Variants in CDH13 observed in about 807,000 individuals in gnomAD.
The protein encoded by CDH13 is cadherin-13.
A neutral mutation model predicts 63.8 loss-of-function variants in CDH13; 24 were observed. The observed-to-expected ratio is 0.38, with a 90% CI of 0.27 to 0.53. The LOEUF (loss-of-function observed/expected upper bound fraction) is 0.53. Among genes scored for constraint, CDH13 ranks in the 20% least tolerant of loss-of-function variants. The pLI, the probability that CDH13 is intolerant of heterozygous loss-of-function variation, is 0.85. For synonymous variants in CDH13, 503 were observed against 355.3 expected, an observed-to-expected ratio of 1.42 and a Z score of -4.67; for missense variants, 1,049 against 903.1, an observed-to-expected ratio of 1.16 and a Z score of -2.07.
intron 7 of CDH13, among the ~76,000 whole-genome samples, chr16:83,520,031 A>G (rs28492783): frequency 0.025 from 3,840 of 152,320 alleles, 160 homozygotes; most frequent in African/African-American, 0.087. Flanking sequence ...TAACTTCATG[A>G]TATAAATGTT....
chr16:83,340,923 T>G (rs761234394), intron 5 of CDH13, among the ~76,000 whole-genome samples: 2 of 152,170 alleles, frequency 1.3e-5, no homozygotes, highest in Non-Finnish European at 2.9e-5. Context: ...AGGTCAACCA[T>G]TGAATCTAAG....
At chr16:83,614,817 G>A (rs1909152403) in intron 8 of CDH13, among the ~76,000 whole-genome samples, 1 of 152,170 alleles carries the variant, frequency 6.6e-6, no homozygotes, top group East Asian at 1.9e-4. Context: ...CATTTAAAAT[G>A]TGGAGAAATA....
At chr16:83,038,581 C>A (rs1200993821) in intron 3 of CDH13, among the ~76,000 whole-genome samples, 3 of 152,166 alleles carry the variant, frequency 2.0e-5, no homozygotes, top group Non-Finnish European at 4.4e-5. Context: ...CATGACTTTT[C>A]CCCACCAAAT....
intron 7 of CDH13, among the ~76,000 whole-genome samples, chr16:83,566,402 C>G (rs1005962496): frequency 2.0e-5 from 3 of 152,144 alleles, no homozygotes; most frequent in Admixed American, 6.5e-5. Context: ...TTATTCACTC[C>G]TGTCATAGGA....
chr16:83,233,396 G>C (rs926998839), intron 5 of CDH13, among the ~76,000 whole-genome samples: 1 of 152,156 alleles, frequency 6.6e-6, no homozygotes, highest in African/African-American at 2.4e-5. Context: ...CTGACTCAAC[G>C]AGTAGGTGGC....
At chr16:82,742,303 CTTA>C (rs1407633639) in intron 1 of CDH13, among the ~76,000 whole-genome samples, 1 of 152,076 alleles carries the variant, frequency 6.6e-6, no homozygotes, top group Non-Finnish European at 1.5e-5. Context: ...ACAGGATGAT[CTTA>C]TTTTTATTTT....
chr16:83,415,961 C>G (rs2092194543), intron 6 of CDH13, among the ~76,000 whole-genome samples: 1 of 152,104 alleles, frequency 6.6e-6, no homozygotes, highest in Non-Finnish European at 1.5e-5. Flanking sequence ...AGTAAAATGT[C>G]CCGGTTTGTA....
At chr16:83,716,307 C>T (rs965860731) in intron 10 of CDH13, among the ~76,000 whole-genome samples, 5 of 152,058 alleles carry the variant, frequency 3.3e-5, no homozygotes, top group Admixed American at 1.3e-4. Context: ...ATTAGGGTTC[C>T]CTTTTGGTGT....
At chr16:83,315,599 G>A (rs1281999503) in intron 5 of CDH13, among the ~76,000 whole-genome samples, 3 of 149,394 alleles carry the variant, frequency 2.0e-5, no homozygotes, top group African/African-American at 7.4e-5. Flanking sequence ...TGCTTCGGGG[G>A]AAAAATAAAA....
Position 82,802,396 on chromosome 16 carries a change from C to T in CDH13, c.46-55966C>T, listed in dbSNP as rs141960640. On this transcript the variant is annotated intron_variant, in intron 1 of 13. Transcript: ENST00000567109. The stretch of plus-strand genomic sequence containing the variant: ...TTACAGAATGCTCTTTTCTGCTTCG[C>T]CTGGCAAAACAGGAGGATATCTGTC... Among the ~76,000 whole-genome samples the T allele has an allele frequency of 4.0e-3, 609 of 152,246 alleles. 10 individuals carry two copies. Among genetic ancestry groups the T allele is most frequent in the Non-Finnish European group, 4.8e-3 (329 of 68,024 alleles).
intron 7 of CDH13, among the ~76,000 whole-genome samples, chr16:83,550,626 C>G (rs2075473153): frequency 6.6e-6 from 1 of 152,220 alleles, no homozygotes; most frequent in East Asian, 1.9e-4. Flanking sequence ...GGAAAGATAT[C>G]AATGCCTCTG....
At chr16:83,783,809 G>A (rs1296303458) in intron 13 of CDH13, among the ~76,000 whole-genome samples, 1 of 152,164 alleles carries the variant, frequency 6.6e-6, no homozygotes, top group Admixed American at 6.5e-5. Flanking sequence ...TCTATCAGAG[G>A]CCTGTTTCTC....
At chr16:83,305,819 C>T (rs1450878802) in intron 5 of CDH13, among the ~76,000 whole-genome samples, 6 of 152,156 alleles carry the variant, frequency 3.9e-5, no homozygotes, top group East Asian at 1.9e-4. Flanking sequence ...GGAGGCCAAA[C>T]GCATAATAGA....
At chr16:83,248,510 C>G (rs925496724) in intron 5 of CDH13, among the ~76,000 whole-genome samples, 7 of 152,138 alleles carry the variant, frequency 4.6e-5, no homozygotes, top group Non-Finnish European at 8.8e-5. Context: ...GAAAGTCAGG[C>G]TCAAGGGTCA....
At chr16:82,628,134 C>A (rs982172832) in intron 1 of CDH13, among the ~76,000 whole-genome samples, 2 of 152,312 alleles carry the variant, frequency 1.3e-5, no homozygotes, top group Non-Finnish European at 2.9e-5. Flanking sequence ...GCGGGGGGCA[C>A]GCCCTGCGCT....
chr16:82,807,409 G>T (rs191583459), intron 1 of CDH13, among the ~76,000 whole-genome samples: 4 of 152,268 alleles, frequency 2.6e-5, no homozygotes, highest in South Asian at 2.1e-4. Context: ...ATAGGAAGAG[G>T]TCTGGTAGCT....
intron 1 of CDH13, among the ~76,000 whole-genome samples, chr16:82,714,711 CT>C (rs1343110193): frequency 1.4e-4 from 3 of 21,936 alleles, no homozygotes; most frequent in East Asian, 2.8e-3. Context: ...AAGACTCCAT[CT>C]AAAAAAAAAA....
chr16:83,090,720 T>C (rs2033864609), intron 3 of CDH13, among the ~76,000 whole-genome samples: 2 of 152,034 alleles, frequency 1.3e-5, no homozygotes, highest in African/African-American at 4.8e-5. Flanking sequence ...ACTGCACGAG[T>C]TGGTGATTAA....
chr16:82,991,387 G>A (rs956625417), intron 2 of CDH13, among the ~76,000 whole-genome samples: 2 of 152,134 alleles, frequency 1.3e-5, no homozygotes, highest in African/African-American at 4.8e-5. Context: ...TAAGGGGGGA[G>A]ATGTAGAATT....
Sources: allele counts gnomAD v4.1 joint callset (sites outside exome capture counted in the v4.1 genomes callset), GRCh38; gene constraint gnomAD v4.1.1; transcripts MANE v1.5; gene names NCBI Gene and HGNC (gene_info 2026-07-23, HGNC 2026-07-21).